CPQ: variants seen among roughly 807,000 people sequenced by gnomAD.
CPQ encodes the protein carboxypeptidase Q, also known as Ser-Met dipeptidase.
A neutral mutation model predicts 45.7 loss-of-function variants in CPQ; 37 were observed. That is an observed-to-expected ratio of 0.81 (90% CI 0.62 to 1.07). CPQ has a LOEUF of 1.07. Among genes scored for constraint, CPQ ranks in the 50% least tolerant of loss-of-function variants. CPQ has a pLI of 0.00. For synonymous variants in CPQ, 186 were observed against 205.8 expected (o/e 0.90, Z 0.82); for missense variants, 537 against 572.9 (o/e 0.94, Z 0.64).
At position 96,784,993 on chromosome 8, in the gene CPQ, T is replaced by G; in HGVS notation, c.96T>G (p.Thr32=). The change falls in exon 2 of 8, where the codon ACT becomes ACG. Residue 32 remains threonine (T), a synonymous_variant. Coordinates refer to ENST00000220763, the MANE Select transcript of CPQ (RefSeq NM_016134.4). ...GCAAGAATGGCATCTCTAAGAGGAC[T>G]TTTGAAGAAATAAAAGAAGAAATAG... ...AICKNGISKR[T]FEEIKEEIAS... is the part of the protein sequence containing the mutation. 6.2e-7 allele frequency: 1 copy of G among 1,613,784 alleles called. No individual in the cohort carries two copies. The highest frequency in any genetic ancestry group is 8.5e-7 in the Non-Finnish European group (1 of 1,179,780).
intron 4 of CPQ, among the ~76,000 whole-genome samples, chr8:96,951,326 G>A (rs1813261206): frequency 6.6e-6 from 1 of 152,056 alleles, no homozygotes; most frequent in Non-Finnish European, 1.5e-5. Flanking sequence ...GTCCCGTTCT[G>A]GATATTCTCC....
At chr8:97,073,184 C>T (rs999598668) in intron 7 of CPQ, among the ~76,000 whole-genome samples, 13 of 152,186 alleles carry the variant, frequency 8.5e-5, no homozygotes, top group African/African-American at 2.2e-4. Context: ...CAGAATTTCA[C>T]GTATTTTCCA....
intron 1 of CPQ, among the ~76,000 whole-genome samples, chr8:96,677,583 T>A (rs1180876548): frequency 6.6e-6 from 1 of 152,182 alleles, no homozygotes; most frequent in Non-Finnish European, 1.5e-5. Context: ...CTTTGTCAGA[T>A]GCATAGTTTG....
At chr8:96,792,907 C>A (rs541913298) in intron 2 of CPQ, among the ~76,000 whole-genome samples, 1 of 151,976 alleles carries the variant, frequency 6.6e-6, no homozygotes, top group African/African-American at 2.4e-5. Context: ...ACAATCATGG[C>A]GGAAGACACT....
At chr8:97,101,505 C>CT (rs1245488377) in intron 7 of CPQ, among the ~76,000 whole-genome samples, 4 of 150,094 alleles carry the variant, frequency 2.7e-5, no homozygotes, top group African/African-American at 4.9e-5. Context: ...CTTAGAGACT[C>CT]TGAGTCTAAA....
At chr8:96,823,854 T>G (rs1394312847) in intron 2 of CPQ, among the ~76,000 whole-genome samples, 1 of 152,062 alleles carries the variant, frequency 6.6e-6, no homozygotes, top group Non-Finnish European at 1.5e-5. Context: ...TTATTTTAAT[T>G]AAATCTTTCC....
intron 1 of CPQ, among the ~76,000 whole-genome samples, chr8:96,772,283 G>A (rs1473611061): frequency 6.6e-6 from 1 of 152,034 alleles, no homozygotes; most frequent in Non-Finnish European, 1.5e-5. Flanking sequence ...AAATTTAAGA[G>A]CACTTACTGA....
At chr8:97,050,890 C>T (rs949798667) in intron 6 of CPQ, among the ~76,000 whole-genome samples, 7 of 151,970 alleles carry the variant, frequency 4.6e-5, no homozygotes, top group Non-Finnish European at 1.0e-4. Context: ...AACAATGCCT[C>T]GAGAGAACAG....
chr8:96,837,178 T>C (rs1811541372), intron 3 of CPQ, among the ~76,000 whole-genome samples: 1 of 152,172 alleles, frequency 6.6e-6, no homozygotes, highest in African/African-American at 2.4e-5. Flanking sequence ...TCCTAAGAAA[T>C]AAAAACGAAA....
intron 5 of CPQ, among the ~76,000 whole-genome samples, chr8:96,980,456 TCA>T (rs1401936119): frequency 1.3e-5 from 2 of 152,220 alleles, no homozygotes; most frequent in African/African-American, 4.8e-5. Flanking sequence ...ATTTTAAATC[TCA>T]GTTTTCTCTT....
intron 1 of CPQ, among the ~76,000 whole-genome samples, chr8:96,768,201 G>A (rs2130796472): frequency 6.6e-6 from 1 of 151,708 alleles, no homozygotes; most frequent in East Asian, 1.9e-4. Flanking sequence ...CTGATGTAGT[G>A]CTACAATAGT....
At chr8:96,714,900 C>T (rs1303664335) in intron 1 of CPQ, among the ~76,000 whole-genome samples, 6 of 152,008 alleles carry the variant, frequency 3.9e-5, no homozygotes, top group Non-Finnish European at 7.4e-5. Flanking sequence ...GGTGAAGACT[C>T]TGTATGAAAT....
At chr8:97,117,157 T>C (rs1811609403) in intron 7 of CPQ, among the ~76,000 whole-genome samples, 2 of 152,214 alleles carry the variant, frequency 1.3e-5, no homozygotes. Context: ...TTCATGTATA[T>C]TTTTAGACAT....
At chr8:96,655,129 T>C (rs935825323) in intron 1 of CPQ, among the ~76,000 whole-genome samples, 2 of 152,172 alleles carry the variant, frequency 1.3e-5, no homozygotes, top group Non-Finnish European at 2.9e-5. Flanking sequence ...ATTTTAGGGT[T>C]ATTTTTTCTG....
intron 5 of CPQ, among the ~76,000 whole-genome samples, chr8:96,972,058 A>C (rs567187201): frequency 2.6e-5 from 4 of 152,332 alleles, no homozygotes; most frequent in East Asian, 1.9e-4. Flanking sequence ...TGCCAAAAAA[A>C]ACTATGAGTC....
At chr8:97,116,434 A>C (rs567820635) in intron 7 of CPQ, among the ~76,000 whole-genome samples, 138 of 152,364 alleles carry the variant, frequency 9.1e-4, no homozygotes, top group African/African-American at 3.3e-3. Context: ...TCTTAAATAA[A>C]CAGACACCAG....
intron 5 of CPQ, among the ~76,000 whole-genome samples, chr8:96,981,368 A>C (rs1813892701): frequency 6.6e-6 from 1 of 152,224 alleles, no homozygotes; most frequent in Non-Finnish European, 1.5e-5. Context: ...GGGAAAATAG[A>C]AGTCAGGAAA....
intron 4 of CPQ, among the ~76,000 whole-genome samples, chr8:96,961,129 C>G (rs1371038148): frequency 6.6e-6 from 1 of 152,082 alleles, no homozygotes; most frequent in East Asian, 1.9e-4. Flanking sequence ...CAATTGTTTT[C>G]CCTTAATTAT....
chr8:97,001,172 A>G (rs1413721692), intron 5 of CPQ, among the ~76,000 whole-genome samples: 1 of 152,172 alleles, frequency 6.6e-6, no homozygotes, highest in South Asian at 2.1e-4. Context: ...ATATAGGATC[A>G]CGTTATCTGC....
Sources: gnomAD v4.1 joint callset for allele counts (sites outside exome capture counted in the v4.1 genomes callset) on GRCh38, gnomAD v4.1.1 for gene constraint, MANE v1.5 for transcripts, NCBI Gene and HGNC (gene_info 2026-07-23, HGNC 2026-07-21) for gene names.